The following MCC variants were observed in gnomAD, a reference collection of about 807,000 sequenced individuals.
MCC encodes MCC regulator of Wnt signaling pathway.
Under a neutral mutation model 116.2 loss-of-function variants are expected in MCC, and 90 were observed. The observed-to-expected ratio is 0.77, with a 90% confidence interval of 0.65 to 0.92. The LOEUF (loss-of-function observed/expected upper bound fraction) is 0.92. Ranked by LOEUF, MCC falls within the 40% of genes least tolerant of loss-of-function variation. The pLI is 0.00. For missense variants in MCC, 1,516 were observed against 1,312.2 expected, an observed-to-expected ratio of 1.16 and a Z score of -2.40; for synonymous variants, 578 against 510.5, an observed-to-expected ratio of 1.13 and a Z score of -1.78.
chr5:113,172,267 T>G (rs1008106678), intron 3 of MCC, among the ~76,000 whole-genome samples: 4 of 152,014 alleles, frequency 2.6e-5, no homozygotes, highest in Admixed American at 1.3e-4. Context: ...ACAAAACAAC[T>G]CAAAAAAGGG....
chr5:113,046,406 G>A (rs1356119736), intron 16 of MCC, among the ~76,000 whole-genome samples: 1 of 151,916 alleles, frequency 6.6e-6, no homozygotes, highest in African/African-American at 2.4e-5. Context: ...TGGTGATGCT[G>A]GTCTTGAACT....
At chr5:113,205,458 C>T (rs1234468529) in intron 3 of MCC, among the ~76,000 whole-genome samples, 1 of 152,240 alleles carries the variant, frequency 6.6e-6, no homozygotes, top group Non-Finnish European at 1.5e-5. Flanking sequence ...TGAGCCCCTG[C>T]TCTGCCATGT....
intron 1 of MCC, among the ~76,000 whole-genome samples, chr5:113,481,031 C>T (rs550653678): frequency 4.6e-5 from 7 of 152,288 alleles, no homozygotes; most frequent in South Asian, 2.1e-4. Context: ...CCTGCCTCAG[C>T]CTCCCAAAGT....
chr5:113,133,530 G>A (rs1758599120), intron 5 of MCC, among the ~76,000 whole-genome samples: 1 of 151,128 alleles, frequency 6.6e-6, no homozygotes, highest in African/African-American at 2.4e-5. Context: ...TTCATCTGTT[G>A]ATAGGCACTG....
chr5:113,203,597 G>A (rs1211662780), intron 3 of MCC, among the ~76,000 whole-genome samples: 1 of 152,120 alleles, frequency 6.6e-6, no homozygotes, highest in African/African-American at 2.4e-5. Flanking sequence ...ATCACTTGGC[G>A]TGATTATTTC....
intron 16 of MCC, 108 bp downstream of exon 16, chr5:113,048,985 A>G: frequency 9.6e-7 from 1 of 1,039,700 alleles, no homozygotes; most frequent in Non-Finnish European, 1.5e-6. Flanking sequence ...TTTCCTATGC[A>G]AATACAAGAA....
intron 3 of MCC, among the ~76,000 whole-genome samples, chr5:113,339,438 T>TGTGTGTGCGTGTGCGCGC (rs145838279): frequency 6.7e-6 from 1 of 149,554 alleles, no homozygotes; most frequent in Non-Finnish European, 1.5e-5. Context: ...TGTGTGTGTG[T>TGTGTGTGCGTGTGCGCGC]GCGTGCATGT....
Position 113,027,099 on chromosome 5 carries a change from G to A in MCC, c.*203C>T, listed in dbSNP as rs531303878. The stretch of plus-strand genomic sequence containing the variant: ...GCTGTTGTGGGCCCAGGAGGGAAGA[G>A]CGGGCACCTCTGGATACAGTCCACA... On this transcript the variant is annotated 3_prime_UTR_variant, in exon 19 of 19. Transcript: ENST00000408903. 9.4e-5 allele frequency: 54 copies of A among 574,092 alleles called. 1 individual carries two copies. In the South Asian group the frequency reaches 1.2e-3, roughly 13 times the overall value. The allele number at this position is 574,092 out of a possible 1,614,324, so 35.6% of individuals were successfully genotyped here. A position where few individuals can be genotyped will look rare whatever the true frequency, so the allele number is the denominator to read the frequency against.
intron 1 of MCC, among the ~76,000 whole-genome samples, chr5:113,411,510 A>C (rs173903): frequency 0.63 from 95,579 of 151,712 alleles, 32,767 homozygotes; most frequent in African/African-American, 0.91. Flanking sequence ...GATATTAGAC[A>C]TTTGTCAGAT....
chr5:113,180,771 C>T (rs1761587670), intron 3 of MCC, among the ~76,000 whole-genome samples: 1 of 152,178 alleles, frequency 6.6e-6, no homozygotes, highest in Non-Finnish European at 1.5e-5. Context: ...GCATGTCTAT[C>T]TGGATGTGGG....
chr5:113,051,542 G>A (rs534398258), intron 15 of MCC, among the ~76,000 whole-genome samples: 22 of 152,198 alleles, frequency 1.4e-4, no homozygotes, highest in African/African-American at 5.3e-4. Flanking sequence ...AACAAAGTGA[G>A]ACCCTGTTTC....
chr5:113,292,890 C>T (rs551007676), intron 3 of MCC, among the ~76,000 whole-genome samples: 2 of 152,190 alleles, frequency 1.3e-5, no homozygotes, highest in South Asian at 2.1e-4. Flanking sequence ...TGGAGCAGGG[C>T]CCTGGGTTCT....
At chr5:113,475,013 A>G (rs1457350516) in intron 1 of MCC, among the ~76,000 whole-genome samples, 2 of 152,238 alleles carry the variant, frequency 1.3e-5, no homozygotes, top group African/African-American at 2.4e-5. Flanking sequence ...CAGAATTCTG[A>G]TATTTAAAGG....
intron 2 of MCC, among the ~76,000 whole-genome samples, chr5:113,375,675 G>A (rs1768964155): frequency 6.6e-6 from 1 of 152,084 alleles, no homozygotes. Context: ...GCTGTTGGCT[G>A]GGCCTCCCTG....
intron 3 of MCC, among the ~76,000 whole-genome samples, chr5:113,205,936 A>T (rs926401403): frequency 1.3e-5 from 2 of 152,178 alleles, no homozygotes; most frequent in African/African-American, 2.4e-5. Context: ...TGCCACAGAG[A>T]TGGGTCCTTT....
chr5:113,488,323 G>A lies in MCC; in HGVS notation c.92C>T (p.Thr31Met), dbSNP rs557057737. 8.4e-6 allele frequency: 13 copies of A among 1,548,122 alleles called. No individual in the cohort carries two copies. Among genetic ancestry groups the A allele is most frequent in the Middle Eastern group, 1.7e-4 (1 of 5,810 alleles). Residue 31 changes from threonine (T) to methionine (M), a missense_variant, in exon 1 of 19, where the codon ACG (threonine) becomes ATG (methionine). Physicochemically the swap from Thr to Met is moderately conservative, Grantham distance 81. Coordinates refer to ENST00000408903, the MANE Select transcript of MCC (RefSeq NM_001085377.2). ...CCTCTCCTCCTCGCCGGTGCTGGAC[G>A]TGTCGCTGCTGCTGCTGCTGCTGCC... The part of the protein sequence containing the change: ...GSGSSSSSSD[T>M]SSTGEEERMR...
At chr5:113,048,332 T>G (rs1318363639) in intron 16 of MCC, among the ~76,000 whole-genome samples, 1 of 152,144 alleles carries the variant, frequency 6.6e-6, no homozygotes, top group Admixed American at 6.5e-5. Flanking sequence ...TGTGCACCAT[T>G]CTGAGCAGCG....
chr5:113,423,749 C>A (rs1323176580), intron 1 of MCC, among the ~76,000 whole-genome samples: 1 of 152,056 alleles, frequency 6.6e-6, no homozygotes, highest in Non-Finnish European at 1.5e-5. Flanking sequence ...CTCTATTTCC[C>A]ACCCCCAACC....
At chr5:113,394,422 T>A (rs943522210) in intron 1 of MCC, among the ~76,000 whole-genome samples, 5 of 152,180 alleles carry the variant, frequency 3.3e-5, no homozygotes, top group Admixed American at 1.3e-4. Context: ...ACAAGACTTT[T>A]AGCTTCATAC....
Sources: gnomAD v4.1 joint callset for allele counts (sites outside exome capture counted in the v4.1 genomes callset) on GRCh38, gnomAD v4.1.1 for gene constraint, MANE v1.5 for transcripts, NCBI Gene and HGNC (gene_info 2026-07-23, HGNC 2026-07-21) for gene names.